The following DLEC1 variants were observed in gnomAD, a reference collection of about 807,000 sequenced individuals.
The protein encoded by DLEC1 is deleted in lung and esophageal cancer protein 1.
A neutral mutation model predicts 198.1 loss-of-function variants in DLEC1; 146 were observed. The observed-to-expected ratio is 0.74, with a 90% CI of 0.64 to 0.85. The LOEUF (loss-of-function observed/expected upper bound fraction) is 0.85. DLEC1 is among the 40% of genes least tolerant of loss of function. DLEC1 has a pLI of 0.00. For synonymous variants in DLEC1, 897 were observed against 866.8 expected (o/e 1.03, Z -0.61); for missense variants, 2,233 against 2,220.0 (o/e 1.01, Z -0.12).
intron 8 of DLEC1, 142 bp from the exon 9 acceptor site, chr3:38,086,099 T>C: frequency 1.7e-6 from 2 of 1,198,596 alleles, no homozygotes; most frequent in Non-Finnish European, 1.2e-6. Context: ...TCAGGACATG[T>C]CCCCACTCAT....
intron 10 of DLEC1, among the ~76,000 whole-genome samples, chr3:38,092,101 C>T (rs1039242789): frequency 5.3e-5 from 8 of 152,162 alleles, no homozygotes; most frequent in Non-Finnish European, 1.5e-5. Flanking sequence ...AAAAGATATC[C>T]GCACTCTTAT....
intron 23 of DLEC1, 57 bp downstream of exon 23, chr3:38,110,338 G>A: frequency 7.5e-6 from 12 of 1,596,586 alleles, no homozygotes; most frequent in Non-Finnish European, 1.0e-5. Context: ...GGTGTACCCT[G>A]TTGAGCCTCT....
chr3:38,086,960 G>C (rs772457600), intron 9 of DLEC1, among the ~76,000 whole-genome samples: 3 of 151,928 alleles, frequency 2.0e-5, no homozygotes, highest in Non-Finnish European at 2.9e-5. Flanking sequence ...TGTAGTCCCA[G>C]CTACTCAGGA....
chr3:38,044,818 C>A (rs1156656658), intron 1 of DLEC1, among the ~76,000 whole-genome samples: 1 of 152,166 alleles, frequency 6.6e-6, no homozygotes. Context: ...AATAGTCAAT[C>A]AGTAATTAGT....
At chr3:38,079,926 C>T (rs980170099) in intron 6 of DLEC1, among the ~76,000 whole-genome samples, 8 of 152,062 alleles carry the variant, frequency 5.3e-5, no homozygotes, top group Non-Finnish European at 8.8e-5. Context: ...GGTTTGAGGG[C>T]TGGAATTTAA....
intron 6 of DLEC1, among the ~76,000 whole-genome samples, chr3:38,070,080 C>A (rs1285165195): frequency 6.6e-6 from 1 of 152,014 alleles, no homozygotes; most frequent in Non-Finnish European, 1.5e-5. Flanking sequence ...AGATGTGTAC[C>A]TGTATTGATG....
Position 38,112,400 on chromosome 3 carries a change from G to A in DLEC1, c.3666+39G>A. ...AGAGGGCAGTGGCCTGGGGGGTGGA[G>A]AGTCTGCCCAGCCCTCGCCTTCAGC... On this transcript the variant is annotated intron_variant, in intron 25 of 36. Coordinates refer to ENST00000308059, the MANE Select transcript of DLEC1 (RefSeq NM_007335.4). This position sits in a 1 kb window ranked among gnomAD's most constrained non-coding sequence, Gnocchi z 4.8. 1 of 1,606,208 alleles carries A rather than the reference G, an allele frequency of 6.2e-7. No individual in the cohort carries two copies. Among genetic ancestry groups the A allele is most frequent in the Non-Finnish European group, 8.5e-7 (1 of 1,173,818 alleles).
chr3:38,102,736 C>A (rs764433338), intron 19 of DLEC1, among the ~76,000 whole-genome samples: 5 of 152,176 alleles, frequency 3.3e-5, no homozygotes, highest in East Asian at 1.9e-4. Context: ...GAGAAAGGGA[C>A]CTTTGGGGAA....
At chr3:38,080,060 G>T (rs145133605) in intron 6 of DLEC1, among the ~76,000 whole-genome samples, 6,946 of 152,282 alleles carry the variant, frequency 0.046, 503 homozygotes, top group African/African-American at 0.15. Flanking sequence ...TGCTGAAGGA[G>T]CCATGAACTG....
At chr3:38,086,489 T>C in intron 9 of DLEC1, 112 bp downstream of exon 9, 1 of 1,387,702 alleles carries the variant, frequency 7.2e-7, no homozygotes, top group Non-Finnish European at 9.7e-7. Flanking sequence ...GAACGCAGAG[T>C]GTTGTAAACT....
chr3:38,074,448 G>A (rs1018390745), intron 6 of DLEC1, among the ~76,000 whole-genome samples: 8 of 152,362 alleles, frequency 5.3e-5, no homozygotes, highest in South Asian at 2.1e-4. Flanking sequence ...GGGCGGTAAA[G>A]CGTCTAAGGG....
At chr3:38,054,242 A>G (rs9827623) in intron 2 of DLEC1, among the ~76,000 whole-genome samples, 48,307 of 152,028 alleles carry the variant, frequency 0.32, 7,982 homozygotes, top group East Asian at 0.55. Context: ...AACAAAAACA[A>G]AAACAAGGGT....
chr3:38,117,232 A>T lies in DLEC1; in HGVS notation c.4330A>T (p.Arg1444Trp), dbSNP rs762407524. ...GGTGGAAAGGGAGATTCCAGGGAAG[A>T]GGCATCGCCTGCAGGACTTTGCGGT... ...SKVEREIPGK[R>W]HRLQDFAVGP... The change falls in exon 31 of 37, where the codon AGG (arginine) becomes TGG (tryptophan). Residue 1444 changes from arginine (R) to tryptophan (W), a missense_variant. By Grantham distance (101) the Arg-to-Trp change is moderately radical. Coordinates refer to ENST00000308059, the MANE Select transcript of DLEC1 (RefSeq NM_007335.4). 6.2e-7 allele frequency: 1 copy of T among 1,614,142 alleles called. No homozygotes were observed. Among genetic ancestry groups the T allele is most frequent in the Admixed American group, 1.7e-5 (1 of 60,018 alleles).
In DLEC1 at chr3:38,079,972, G is replaced by T. The variant is rs187760013; in HGVS notation, c.1174-4186G>T. Among the ~76,000 whole-genome samples, 43 of 152,136 alleles carry T rather than the reference G, an allele frequency of 2.8e-4. 1 individual carries two copies. The East Asian group carries it at 5.2e-3, about 18-fold the overall frequency. ...TGTATTTAATGTCAGGAGCGGATTG[G>T]GTAATAAAATGTATATTGAGAATAA... is the stretch of plus-strand genomic sequence containing the variant. On this transcript the variant is annotated intron_variant, in intron 6 of 36. Coordinates refer to ENST00000308059, the MANE Select transcript of DLEC1 (RefSeq NM_007335.4).
intron 9 of DLEC1, among the ~76,000 whole-genome samples, chr3:38,086,918 TA>T (rs946229381): frequency 5.1e-4 from 78 of 151,770 alleles, no homozygotes; most frequent in African/African-American, 1.9e-3. Flanking sequence ...CTACTAAAAA[TA>T]AAAAATTAGC....
intron 27 of DLEC1, among the ~76,000 whole-genome samples, chr3:38,115,351 G>A (rs558570705): frequency 1.3e-5 from 2 of 152,350 alleles, no homozygotes; most frequent in East Asian, 1.9e-4. Flanking sequence ...GGTTTCTGCC[G>A]AGGGGCTTCC....
chr3:38,041,003 C>CTTATTTATTTAT (rs112358223), intron 1 of DLEC1, among the ~76,000 whole-genome samples: 10 of 150,846 alleles, frequency 6.6e-5, no homozygotes, highest in South Asian at 2.1e-4. Context: ...GTATGCCCAG[C>CTTATTTATTTAT]TTATTTATTT....
intron 33 of DLEC1, among the ~76,000 whole-genome samples, chr3:38,119,176 G>T (rs1468650448): frequency 6.6e-6 from 1 of 152,166 alleles, no homozygotes; most frequent in Non-Finnish European, 1.5e-5. Flanking sequence ...ATAATTAATG[G>T]TGCTGCATCT....
chr3:38,089,100 C>T (rs894785842), intron 10 of DLEC1, among the ~76,000 whole-genome samples: 13 of 152,192 alleles, frequency 8.5e-5, no homozygotes, highest in African/African-American at 2.7e-4. Flanking sequence ...ACTAGCCTGC[C>T]GAGGGAGGCC....
Sources: gnomAD v4.1 joint callset for allele counts (sites outside exome capture counted in the v4.1 genomes callset) on GRCh38, gnomAD v4.1.1 for gene constraint, Gnocchi (gnomAD v3.1) non-coding constraint, MANE v1.5 for transcripts, NCBI Gene and HGNC (gene_info 2026-07-23, HGNC 2026-07-21) for gene names.